PLXNB1: variants seen among roughly 807,000 people sequenced by gnomAD.
PLXNB1 encodes the protein plexin B1, also known as plexin-B1.
Under a neutral mutation model 209.4 loss-of-function variants are expected in PLXNB1, and 106 were observed. That is an observed-to-expected ratio of 0.51 (90% CI 0.43 to 0.59). The LOEUF (loss-of-function observed/expected upper bound fraction) is 0.59, where lower values mean the gene tolerates loss of function less well. PLXNB1 is among the 20% of genes least tolerant of loss of function. The pLI is 0.00. For missense variants in PLXNB1, 2,357 were observed against 2,853.2 expected, an observed-to-expected ratio of 0.83 and a Z score of 3.96; for synonymous variants, 1,167 against 1,183.2, an observed-to-expected ratio of 0.99 and a Z score of 0.28.
chr3:48,412,186 GGAGGGCCTGACCC>G (rs1379125965), intron 27 of PLXNB1, 39 bp downstream of exon 27: 1 of 1,586,124 alleles, frequency 6.3e-7, no homozygotes, highest in East Asian at 2.2e-5. Flanking sequence ...TTAGAAGTTT[GGAGGGCCTGACCC>G]TCCCTGGACA....
At position 48,417,762 on chromosome 3, in the gene PLXNB1, G is replaced by A; in HGVS notation, c.3374+149C>T. On this transcript the variant is annotated intron_variant, in intron 16 of 37. Coordinates refer to ENST00000296440, the MANE Select transcript of PLXNB1 (RefSeq NM_001130082.3). This position sits in a 1 kb window ranked among gnomAD's most constrained non-coding sequence, Gnocchi z 4.4. ...GTGGTGGGTGCTCAGGGTCTTCAGT[G>A]GCAACGCTGGCACTCGGGCATTGTG... The A allele has an allele frequency of 1.2e-6, 1 of 851,000 alleles. No individual in the cohort carries two copies. The highest frequency in any genetic ancestry group is 1.7e-5 in the African/African-American group (1 of 59,038). The allele number at this position is 851,000 out of a possible 1,614,324, so 52.7% of individuals were successfully genotyped here.
Position 48,417,400 on chromosome 3 carries a change from A to C in PLXNB1, c.3374+511T>G, listed in dbSNP as rs956350236. 2.0e-5 allele frequency among the ~76,000 whole-genome samples: 3 copies of C among 152,230 alleles called. No individual in the cohort carries two copies. The highest frequency in any genetic ancestry group is 7.2e-5 in the African/African-American group (3 of 41,456). ...GCCTGCAACCGCTGGCCAGGTTACCATAACCCAGGAGCCCCAGGAAGGCAG... is the reference window on the plus strand; with the variant it reads ...GCCTGCAACCGCTGGCCAGGTTACCCTAACCCAGGAGCCCCAGGAAGGCAG... On this transcript the variant is annotated intron_variant, in intron 16 of 37. Coordinates refer to ENST00000296440, the MANE Select transcript of PLXNB1 (RefSeq NM_001130082.3). The surrounding 1 kb of genome is among the most constrained non-coding windows in gnomAD (Gnocchi z 4.4).
chr3:48,410,191 C>T lies in PLXNB1; in HGVS notation c.5605+105G>A, dbSNP rs949559742. The T allele has an allele frequency of 8.9e-6, 13 of 1,452,660 alleles. No homozygotes were observed. The highest frequency in any genetic ancestry group is 1.4e-5 in the African/African-American group (1 of 70,726). 90.0% of individuals were successfully genotyped at this position (1,452,660 alleles called of 1,614,324 possible). On this transcript the variant is annotated intron_variant, in intron 31 of 37. Transcript: ENST00000296440. The surrounding 1 kb of genome is among the most constrained non-coding windows in gnomAD (Gnocchi z 6.4). ...CACCTGGTTGAGGGATTTCCTGGGCCGAATGGAAATAGGCACAAGCCTGCC... is the reference window on the plus strand; with the variant it reads ...CACCTGGTTGAGGGATTTCCTGGGCTGAATGGAAATAGGCACAAGCCTGCC...
chr3:48,406,622 T>TG lies in PLXNB1; in HGVS notation c.6228+200dup. 7.1e-7 allele frequency: 1 copy of TG among 1,408,000 alleles called. No individual in the cohort carries two copies. Among genetic ancestry groups the TG allele is most frequent in the East Asian group, 2.6e-5 (1 of 38,282 alleles). 87.2% of individuals were successfully genotyped at this position (1,408,000 alleles called of 1,614,324 possible). Reference sequence around the variant, plus strand: ...ATGGCAGCTGCCAGGACAAGACCCCTGCTTGCTCTGTGATGAGATGGTGGG... The same window carrying TG: ...ATGGCAGCTGCCAGGACAAGACCCCTGGCTTGCTCTGTGATGAGATGGTGGG... On this transcript the variant is annotated intron_variant, in intron 36 of 37. Transcript: ENST00000296440. The surrounding 1 kb of genome is among the most constrained non-coding windows in gnomAD (Gnocchi z 4.4).
rs374441946 is a variant in PLXNB1, at chr3:48,410,553, G to T, written c.5422C>A (p.Arg1808=). The change falls in exon 30 of 38, where the codon CGG becomes AGG. Residue 1808 remains arginine, a synonymous_variant. Transcript: ENST00000296440. The surrounding 1 kb of genome is among the most constrained non-coding windows in gnomAD (Gnocchi z 6.4). ...ATGAGGTGCCCGGCCACCCCAGACC[G>T]CCACTCTGCAAGGGCAAGGCAGAAC... The part of the protein sequence containing the change: ...PDPRTLDVEW[R]SGVAGHLILS... 30 of 1,612,892 alleles carry T rather than the reference G, an allele frequency of 1.9e-5. No homozygotes were observed. The Admixed American group carries it at 4.7e-4, about 25-fold the overall frequency.
At position 48,424,298 on chromosome 3, in the gene PLXNB1, G is replaced by A. The variant is rs2038760367; in HGVS notation, c.314C>T (p.Pro105Leu). 29 of 1,570,644 alleles carry A rather than the reference G, an allele frequency of 1.8e-5. No homozygotes were observed. Among genetic ancestry groups the A allele is most frequent in the Non-Finnish European group, 2.4e-5 (28 of 1,157,852 alleles). Reference sequence around the variant, plus strand: ...GCTCCCGCATACCACCAGGGCCCCTGGGCTCACCAGGAGCAGCTGATTCGG... The same window carrying A: ...GCTCCCGCATACCACCAGGGCCCCTAGGCTCACCAGGAGCAGCTGATTCGG... ...NNPNQLLLVS[P>L]GALVVCGSVH... The change falls in exon 3 of 38, where the codon CCA becomes CTA. Residue 105 changes from proline to leucine, a missense_variant. This residue lies in a region of PLXNB1 where 107 missense variants were observed against 167.2 expected (regional missense o/e 0.64). Transcript: ENST00000296440.
chr3:48,428,353 A>T (rs1242303510), intron 1 of PLXNB1, among the ~76,000 whole-genome samples: 3 of 152,036 alleles, frequency 2.0e-5, no homozygotes, highest in Non-Finnish European at 4.4e-5. Flanking sequence ...TCAGACTCAC[A>T]GCCAAAGCCT....
intron 2 of PLXNB1, among the ~76,000 whole-genome samples, 198 bp downstream of exon 2, chr3:48,425,083 A>G (rs965348407): frequency 1.3e-5 from 2 of 152,228 alleles, no homozygotes; most frequent in Admixed American, 6.5e-5. Flanking sequence ...TGTTAGAATC[A>G]AGACAAGAGT....
In PLXNB1 at chr3:48,429,287, G is replaced by C. The variant is rs2039064173; in HGVS notation, c.-60+721C>G. On this transcript the variant is annotated intron_variant, in intron 1 of 37. Transcript: ENST00000296440. This position sits in a 1 kb window ranked among gnomAD's most constrained non-coding sequence, Gnocchi z 6.4. ...GGGCCCCGCGGGATGTGCGCGCCGA[G>C]GCGGGCGTCGGCCGCTCCGGGCTCG... is the stretch of plus-strand genomic sequence containing the variant. 1 of 151,598 alleles carries C rather than the reference G, an allele frequency of 6.6e-6. No individual in the cohort carries two copies. The highest frequency in any genetic ancestry group is 1.5e-5 in the Non-Finnish European group (1 of 67,854). The allele number at this position is 151,598 out of a possible 1,614,324, so 9.4% of individuals were successfully genotyped here. A position where few individuals can be genotyped will look rare whatever the true frequency, so the allele number is the denominator to read the frequency against.
In PLXNB1 at chr3:48,410,009, C is replaced by T; in HGVS notation, c.5674G>A (p.Glu1892Lys). The T allele has an allele frequency of 1.2e-6, 2 of 1,612,732 alleles. No homozygotes were observed. Among genetic ancestry groups the T allele is most frequent in the Non-Finnish European group, 1.7e-6 (2 of 1,179,508 alleles). Residue 1892 changes from glutamate to lysine, a missense_variant, in exon 32 of 38, where the codon GAG (glutamate) becomes AAG (lysine). Glu to Lys is a moderately conservative substitution (Grantham distance 56). This residue lies in a region of PLXNB1 where 414 missense variants were observed against 520.5 expected (regional missense o/e 0.80). Transcript: ENST00000296440. This position sits in a 1 kb window ranked among gnomAD's most constrained non-coding sequence, Gnocchi z 6.4. Reference sequence around the variant, plus strand: ...CTCCGAGGCCTGGGCGGCTCCGGCTCATCACTTGGCTTCACCAGGTGCCAG... The same window carrying T: ...CTCCGAGGCCTGGGCGGCTCCGGCTTATCACTTGGCTTCACCAGGTGCCAG... ...RPWHLVKPSD[E>K]PEPPRPRRGS... is the part of the protein sequence containing the mutation.
At position 48,404,496 on chromosome 3, in the gene PLXNB1, G is replaced by A. The variant is rs1287304414; in HGVS notation, c.6398C>T (p.Thr2133Ile). The change falls in exon 38 of 38, where the codon ACA (threonine) becomes ATA (isoleucine). Residue 2133 changes from threonine to isoleucine, a missense_variant. By Grantham distance (89) the Thr-to-Ile change is moderately conservative (BLOSUM62 -1). Transcript: ENST00000296440. ...GTGGCTCCTGGGTTCCTATAGATCTGTGACCTTGTTTTCCACAGCAGCTGC... is the reference window on the plus strand; with the variant it reads ...GTGGCTCCTGGGTTCCTATAGATCTATGACCTTGTTTTCCACAGCAGCTGC... ...QIAAAVENKV[T>I]DL 3.1e-6 allele frequency: 5 copies of A among 1,611,484 alleles called. No homozygotes were observed. Among genetic ancestry groups the A allele is most frequent in the Non-Finnish European group, 4.2e-6 (5 of 1,177,780 alleles).
At position 48,416,075 on chromosome 3, in the gene PLXNB1, C is replaced by A; in HGVS notation, c.3573G>T (p.Arg1191=). Residue 1191 remains arginine, a synonymous_variant, in exon 18 of 38, where the codon CGG becomes CGT. Coordinates refer to ENST00000296440, the MANE Select transcript of PLXNB1 (RefSeq NM_001130082.3). This position sits in a 1 kb window ranked among gnomAD's most constrained non-coding sequence, Gnocchi z 4.1. ...CAACCACCACTCGGATGTCCTCCAG[C>A]CGCCCAGTCAGGAGCTTGGAGCCAT... ...TLNGSKLLTG[R]LEDIRVVVGD... is the part of the protein sequence containing the mutation. 6.2e-7 allele frequency: 1 copy of A among 1,601,874 alleles called. No individual in the cohort carries two copies. Among genetic ancestry groups the A allele is most frequent in the Non-Finnish European group, 8.5e-7 (1 of 1,174,546 alleles).
rs1192996941 is a variant in PLXNB1, at chr3:48,415,699, G to A, written c.3678C>T (p.Ala1226=). 4 of 1,555,150 alleles carry A rather than the reference G, an allele frequency of 2.6e-6. No individual in the cohort carries two copies. Among genetic ancestry groups the A allele is most frequent in the African/African-American group, 1.4e-5 (1 of 73,640 alleles). The change falls in exon 19 of 38, where the codon GCC becomes GCT. Residue 1226 remains alanine, a synonymous_variant. Transcript: ENST00000296440. This position sits in a 1 kb window ranked among gnomAD's most constrained non-coding sequence, Gnocchi z 5.0. ...CAAACCACACAGCCACAGGGAGCGT[G>A]GCAGGCGTGGGGCGTGGGCTGGTCT... ...RCETSPRPTP[A]TLPVAVWFGA...
Position 48,411,764 on chromosome 3 carries a change from C to A in PLXNB1, c.5247+99G>T. 4 of 1,358,344 alleles carry A rather than the reference C, an allele frequency of 2.9e-6. No homozygotes were observed. The highest frequency in any genetic ancestry group is 4.1e-6 in the Non-Finnish European group (4 of 975,438). The allele number at this position is 1,358,344 out of a possible 1,614,324, so 84.1% of individuals were successfully genotyped here. On this transcript the variant is annotated intron_variant, in intron 28 of 37. Coordinates refer to ENST00000296440, the MANE Select transcript of PLXNB1 (RefSeq NM_001130082.3). This position sits in a 1 kb window ranked among gnomAD's most constrained non-coding sequence, Gnocchi z 4.0. ...TCAACCCAGCTCTACATCCAGGTAC[C>A]ACATCAGAAGCTGGTGTCCAGACCC...
At chr3:48,408,008 G>A (rs75799788) in intron 34 of PLXNB1, among the ~76,000 whole-genome samples, 2,645 of 152,202 alleles carry the variant, frequency 0.017, 63 homozygotes, top group African/African-American at 0.059. Context: ...AGAACTTTCC[G>A]TTTTTGTTTT....
chr3:48,407,800 C>G (rs1431461900), intron 34 of PLXNB1, among the ~76,000 whole-genome samples: 2 of 152,176 alleles, frequency 1.3e-5, no homozygotes, highest in Non-Finnish European at 2.9e-5. Context: ...CCTGAGCTAC[C>G]CAGGAACCAT....
chr3:48,412,295 A>C lies in PLXNB1; in HGVS notation c.5043T>G (p.Thr1681=). 1.9e-6 allele frequency: 3 copies of C among 1,614,060 alleles called. No individual in the cohort carries two copies. The highest frequency in any genetic ancestry group is 2.5e-6 in the Non-Finnish European group (3 of 1,180,002). ...NPKLMLRRTE[T]VVEKLLTNWM... ...AGTTGGTGAGCAGCTTCTCCACCAC[A>C]GTCTCTGTCCTGAGATGATGGGAAA... Residue 1681 remains threonine, a synonymous_variant, in exon 27 of 38, where the codon ACT becomes ACG. Coordinates refer to ENST00000296440, the MANE Select transcript of PLXNB1 (RefSeq NM_001130082.3).
In PLXNB1 at chr3:48,410,287, G is replaced by A. The variant is rs768768835; in HGVS notation, c.5605+9C>T. ...AGGGGCAGAGGACCGTGATGGGAGC[G>A]GTACTCACGCTCTCCAGGGACATAA... On this transcript the variant is annotated intron_variant, in intron 31 of 37. Coordinates refer to ENST00000296440, the MANE Select transcript of PLXNB1 (RefSeq NM_001130082.3). This position sits in a 1 kb window ranked among gnomAD's most constrained non-coding sequence, Gnocchi z 6.4. 3.5e-5 allele frequency: 56 copies of A among 1,595,776 alleles called. No homozygotes were observed. The highest frequency in any genetic ancestry group is 1.2e-4 in the South Asian group (11 of 88,172).
At position 48,416,120 on chromosome 3, in the gene PLXNB1, C is replaced by CCCAG. The variant is rs745677967; in HGVS notation, c.3524_3527dup (p.Gly1177TrpfsTer43). 6.3e-7 allele frequency: 1 copy of CCCAG among 1,599,294 alleles called. No individual in the cohort carries two copies. The highest frequency in any genetic ancestry group is 8.5e-7 in the Non-Finnish European group (1 of 1,173,392). On this transcript the variant is annotated frameshift_variant, in exon 18 of 38. Coordinates refer to ENST00000296440, the MANE Select transcript of PLXNB1 (RefSeq NM_001130082.3). LOFTEE classifies it high-confidence loss of function. This position sits in a 1 kb window ranked among gnomAD's most constrained non-coding sequence, Gnocchi z 4.1. ...AGCCATTCAGGGTGAGACGGGTGCC[C>CCCAG]CCAGCTCTGGGGCCGCGGGCCGGGA...
Sources: allele counts gnomAD v4.1 joint callset (sites outside exome capture counted in the v4.1 genomes callset), GRCh38; gene constraint gnomAD v4.1.1; regional missense constraint gnomAD v4.1.1; non-coding constraint Gnocchi (gnomAD v3.1); transcripts MANE v1.5; gene names NCBI Gene and HGNC (gene_info 2026-07-23, HGNC 2026-07-21).